The following TRAPPC9 variants were observed in gnomAD, a reference collection of about 807,000 sequenced individuals.
TRAPPC9 encodes the protein trafficking protein particle complex subunit 9, also known as IKK2 binding protein.
A neutral mutation model predicts 124.0 loss-of-function variants in TRAPPC9; 83 were observed. The ratio of observed to expected loss-of-function variants is 0.67; its 90% CI spans 0.56 to 0.80. The LOEUF is 0.80. Among genes scored for constraint, TRAPPC9 ranks in the 30% least tolerant of loss-of-function variants. The probability of loss-of-function intolerance (pLI) is 0.00; values close to 1 mark genes in which losing one functional copy is unlikely to be tolerated. For missense variants in TRAPPC9, 1,302 were observed against 1,508.3 expected (o/e 0.86, Z 2.27); for synonymous variants, 638 against 617.5 (o/e 1.03, Z -0.49).
At chr8:140,151,179 C>T (rs1468437021) in intron 17 of TRAPPC9, among the ~76,000 whole-genome samples, 5 of 152,186 alleles carry the variant, frequency 3.3e-5, no homozygotes, top group Non-Finnish European at 7.3e-5. Context: ...AGGAGCACAA[C>T]TCAGCGCTGG....
intron 21 of TRAPPC9, among the ~76,000 whole-genome samples, chr8:139,838,867 T>C (rs1286526540): frequency 6.6e-6 from 1 of 152,196 alleles, no homozygotes; most frequent in Non-Finnish European, 1.5e-5. Flanking sequence ...CCAGCCCTGC[T>C]GTGGAGAGGC....
intron 21 of TRAPPC9, among the ~76,000 whole-genome samples, chr8:139,842,477 C>T (rs1055934148): frequency 6.6e-6 from 1 of 152,212 alleles, no homozygotes; most frequent in Non-Finnish European, 1.5e-5. Context: ...ATACTGGCTT[C>T]GATCGCACAG....
chr8:140,007,879 A>G (rs1183864025), intron 18 of TRAPPC9, among the ~76,000 whole-genome samples: 1 of 152,336 alleles, frequency 6.6e-6, no homozygotes, highest in Non-Finnish European at 1.5e-5. Flanking sequence ...AGTAAAACAT[A>G]AAATGGGTCC....
At chr8:139,838,955 A>AG (rs1826548287) in intron 21 of TRAPPC9, among the ~76,000 whole-genome samples, 1 of 152,172 alleles carries the variant, frequency 6.6e-6, no homozygotes, top group African/African-American at 2.4e-5. Flanking sequence ...GGGACACACC[A>AG]GGGGGCAAAA....
chr8:140,420,899 A>G (rs1401319350), intron 5 of TRAPPC9, among the ~76,000 whole-genome samples: 1 of 152,230 alleles, frequency 6.6e-6, no homozygotes, highest in Non-Finnish European at 1.5e-5. Context: ...GGAAAATCAC[A>G]TTTGATAGTC....
At chr8:140,326,969 A>G (rs2066754216) in intron 9 of TRAPPC9, among the ~76,000 whole-genome samples, 1 of 152,004 alleles carries the variant, frequency 6.6e-6, no homozygotes, top group African/African-American at 2.4e-5. Flanking sequence ...ACAATCATCC[A>G]GGCCGGGCGC....
At chr8:140,010,405 G>A (rs1446310126) in intron 18 of TRAPPC9, among the ~76,000 whole-genome samples, 1 of 152,096 alleles carries the variant, frequency 6.6e-6, no homozygotes, top group African/African-American at 2.4e-5. Flanking sequence ...AAAAATGTTC[G>A]CAAAAGGTGA....
intron 15 of TRAPPC9, among the ~76,000 whole-genome samples, chr8:140,274,356 C>T (rs2065050705): frequency 6.6e-6 from 1 of 152,244 alleles, no homozygotes; most frequent in Admixed American, 6.5e-5. Flanking sequence ...TGAGCAAGAA[C>T]ACAAGGTGGG....
At chr8:140,246,777 G>A (rs2063998428) in intron 16 of TRAPPC9, among the ~76,000 whole-genome samples, 1 of 152,164 alleles carries the variant, frequency 6.6e-6, no homozygotes, top group African/African-American at 2.4e-5. Flanking sequence ...CTGAGGTCAG[G>A]AGTTTGAGAC....
rs1563706552 is a variant in TRAPPC9 at position 140,033,658 on chromosome 8, G to GTTTTTTGTTTTT, written c.2557-9580_2557-9579insAAAAACAAAAAA. Among the ~76,000 whole-genome samples the GTTTTTTGTTTTT allele has an allele frequency of 3.5e-4, 15 of 42,356 alleles. 1 individual carries two copies. The highest frequency in any genetic ancestry group is 9.0e-4 in the East Asian group (1 of 1,106). The allele number at this position is 42,356 out of a possible 152,430, so 27.8% of individuals were successfully genotyped here. A position where few individuals can be genotyped will look rare whatever the true frequency, so the allele number is the denominator to read the frequency against. Reference sequence around the variant, plus strand: ...TTGAAATGCAACTCTTCATAATGTGGTTTTTTTTTTTTTTTTTTTTTTTTT... The same window carrying GTTTTTTGTTTTT: ...TTGAAATGCAACTCTTCATAATGTGGTTTTTTGTTTTTTTTTTTTTTTTTTTTTTTTTTTTTT... On this transcript the variant is annotated intron_variant, in intron 17 of 22. Coordinates refer to ENST00000438773, the MANE Select transcript of TRAPPC9 (RefSeq NM_001160372.4).
chr8:140,128,469 A>G (rs2061138403), intron 17 of TRAPPC9, among the ~76,000 whole-genome samples: 1 of 152,252 alleles, frequency 6.6e-6, no homozygotes, highest in South Asian at 2.1e-4. Flanking sequence ...TGAGCGGCTA[A>G]AGGCCAAGGG....
chr8:140,165,613 A>C (rs2061823212), intron 17 of TRAPPC9, among the ~76,000 whole-genome samples: 1 of 97,220 alleles, frequency 1.0e-5, no homozygotes. Flanking sequence ...GAAGGGGGCA[A>C]GGAGGGAAGG....
intron 19 of TRAPPC9, among the ~76,000 whole-genome samples, chr8:139,970,344 G>C (rs977095012): frequency 3.3e-5 from 5 of 152,234 alleles, no homozygotes; most frequent in African/African-American, 1.2e-4. Context: ...TGTCACATGA[G>C]AGAAGATGTG....
At chr8:139,860,349 C>A (rs558632605) in intron 21 of TRAPPC9, among the ~76,000 whole-genome samples, 1 of 152,154 alleles carries the variant, frequency 6.6e-6, no homozygotes, top group African/African-American at 2.4e-5. Context: ...GGGTGGAGGT[C>A]GGGAACAACC....
intron 16 of TRAPPC9, among the ~76,000 whole-genome samples, chr8:140,229,142 T>A (rs890842820): frequency 1.3e-5 from 2 of 151,762 alleles, no homozygotes; most frequent in Non-Finnish European, 2.9e-5. Flanking sequence ...TAGAAAATAA[T>A]TTCAGAAGGA....
chr8:140,455,632 T>C (rs2071630384), intron 1 of TRAPPC9, among the ~76,000 whole-genome samples: 1 of 151,666 alleles, frequency 6.6e-6, no homozygotes, highest in Non-Finnish European at 1.5e-5. Context: ...GGTTTCACCA[T>C]GTTGGCCGGG....
chr8:139,849,577 CAT>C (rs1208353156), intron 21 of TRAPPC9, among the ~76,000 whole-genome samples: 4 of 152,214 alleles, frequency 2.6e-5, no homozygotes, highest in Non-Finnish European at 5.9e-5. Flanking sequence ...AAACAGATCA[CAT>C]GTTCCAGGTT....
At position 140,216,061 on chromosome 8, in the gene TRAPPC9, T is replaced by C. The variant is rs7387053; in HGVS notation, c.2556+5398A>G. On this transcript the variant is annotated intron_variant, in intron 17 of 22. Transcript: ENST00000438773. This position sits in a 1 kb window ranked among gnomAD's most constrained non-coding sequence, Gnocchi z 4.1. Reference sequence around the variant, plus strand: ...CAGGTAAAATTCAGAAAAGCTGTAGTGAAAGAAGAAGGTGTCACAGTGTAA... The same window carrying C: ...CAGGTAAAATTCAGAAAAGCTGTAGCGAAAGAAGAAGGTGTCACAGTGTAA... 0.39 allele frequency: 59,036 copies of C among 152,070 alleles called. 14,412 individuals are homozygous for C. The highest frequency in any genetic ancestry group is 0.55 in the Non-Finnish European group (37,209 of 67,978). 9.4% of individuals were successfully genotyped at this position (152,070 alleles called of 1,614,324 possible).
intron 7 of TRAPPC9, among the ~76,000 whole-genome samples, chr8:140,377,577 G>GTA (rs1563984084): frequency 6.6e-6 from 1 of 152,188 alleles, no homozygotes; most frequent in African/African-American, 2.4e-5. Flanking sequence ...TTACAGGCAT[G>GTA]AGCCACTGCA....
Sources: gnomAD v4.1 joint callset for allele counts (sites outside exome capture counted in the v4.1 genomes callset) on GRCh38, gnomAD v4.1.1 for gene constraint, Gnocchi (gnomAD v3.1) non-coding constraint, MANE v1.5 for transcripts, NCBI Gene and HGNC (gene_info 2026-07-23, HGNC 2026-07-21) for gene names.